THADA: variants seen among roughly 807,000 people sequenced by gnomAD.
THADA encodes tRNA (32-2'-O)-methyltransferase regulator THADA.
A neutral mutation model predicts 219.8 loss-of-function variants in THADA; 213 were observed. The observed-to-expected ratio is 0.97, with a 90% CI of 0.87 to 1.09. The LOEUF (loss-of-function observed/expected upper bound fraction) is 1.09. Among genes scored for constraint, THADA ranks in the 50% least tolerant of loss-of-function variants. THADA has a pLI of 0.00. For synonymous variants in THADA, 1,018 were observed against 828.9 expected (o/e 1.23, Z -3.92); for missense variants, 2,956 against 2,311.3 (o/e 1.28, Z -5.72).
chr2:43,305,700 G>C (rs1159975676), intron 31 of THADA, among the ~76,000 whole-genome samples: 1 of 152,094 alleles, frequency 6.6e-6, no homozygotes, highest in Non-Finnish European at 1.5e-5. Flanking sequence ...CAAAGGATCT[G>C]GGTAGGCTAA....
chr2:43,358,417 C>T (rs558393723), intron 29 of THADA, among the ~76,000 whole-genome samples: 2 of 152,040 alleles, frequency 1.3e-5, no homozygotes, highest in South Asian at 4.2e-4. Context: ...GTTCTGTGCC[C>T]AATGTGGCTG....
At chr2:43,297,513 C>T (rs868536633) in intron 31 of THADA, among the ~76,000 whole-genome samples, 258 of 105,210 alleles carry the variant, frequency 2.5e-3, no homozygotes, top group African/African-American at 4.1e-3. Flanking sequence ...GGTCAGCCCC[C>T]CCGCCCGGCC....
chr2:43,339,183 G>A (rs1308997470), intron 30 of THADA, among the ~76,000 whole-genome samples: 4 of 152,160 alleles, frequency 2.6e-5, no homozygotes, highest in Admixed American at 2.6e-4. Context: ...TCTATGATAA[G>A]CATATAGCAG....
chr2:43,532,810 A>G (rs1481791027), intron 21 of THADA, among the ~76,000 whole-genome samples: 4 of 152,194 alleles, frequency 2.6e-5, no homozygotes, highest in Admixed American at 2.6e-4. Context: ...AACCTAGGCA[A>G]TACCATTCAC....
rs781298683 is a variant in THADA at position 43,574,813 on chromosome 2, G to C, written c.1252C>G (p.Leu418Val). 3.1e-6 allele frequency: 5 copies of C among 1,613,912 alleles called. No homozygotes were observed. The highest frequency in any genetic ancestry group is 4.2e-6 in the Non-Finnish European group (5 of 1,179,912). Residue 418 changes from leucine (L) to valine (V), a missense_variant, in exon 11 of 38, where the codon CTT (leucine) becomes GTT (valine). Transcript: ENST00000405975. Reference sequence around the variant, plus strand: ...ACAGTGAGCCGGTGCATTTGGAGAAGGTTTTTGAACATGATTTTGGTTTGG... The same window carrying C: ...ACAGTGAGCCGGTGCATTTGGAGAACGTTTTTGAACATGATTTTGGTTTGG... ...RHQTKIMFKN[L>V]LQMHRLTVEG...
At chr2:43,499,041 A>T (rs1472838326) in intron 24 of THADA, 86 bp from the exon 25 acceptor site, 1 of 1,361,840 alleles carries the variant, frequency 7.3e-7, no homozygotes, top group Non-Finnish European at 9.7e-7. Flanking sequence ...CAGCTTCAAA[A>T]CAAAAAATTT....
chr2:43,456,271 C>T (rs570694887), intron 26 of THADA, among the ~76,000 whole-genome samples: 1 of 152,270 alleles, frequency 6.6e-6, no homozygotes, highest in South Asian at 2.1e-4. Context: ...TAAGGCAGTT[C>T]AAATACTATT....
chr2:43,582,325 T>A (rs1700545593), intron 7 of THADA, among the ~76,000 whole-genome samples: 1 of 151,852 alleles, frequency 6.6e-6, no homozygotes, highest in Admixed American at 6.6e-5. Flanking sequence ...GGCGAAACCA[T>A]GTCTCTAGTA....
chr2:43,374,503 A>G (rs948106341), intron 29 of THADA, among the ~76,000 whole-genome samples: 6 of 152,226 alleles, frequency 3.9e-5, no homozygotes, highest in Admixed American at 2.0e-4. Context: ...TATTATTACA[A>G]AGCAAATATA....
intron 23 of THADA, among the ~76,000 whole-genome samples, chr2:43,506,384 T>C (rs186774145): frequency 5.3e-5 from 8 of 152,338 alleles, no homozygotes; most frequent in Non-Finnish European, 5.9e-5. Flanking sequence ...ATTAAGCCAC[T>C]TGAGGCAATA....
chr2:43,336,525 GC>G (rs1666457958), intron 30 of THADA, among the ~76,000 whole-genome samples: 1 of 152,006 alleles, frequency 6.6e-6, no homozygotes, highest in Admixed American at 6.6e-5. Flanking sequence ...ACCTGCCTCA[GC>G]CTCCCAAAGT....
chr2:43,582,263 G>A (rs1157726797), intron 7 of THADA, among the ~76,000 whole-genome samples: 1 of 152,114 alleles, frequency 6.6e-6, no homozygotes, highest in African/African-American at 2.4e-5. Flanking sequence ...TTGGTAGGCC[G>A]AGACAGGTAG....
intron 22 of THADA, among the ~76,000 whole-genome samples, chr2:43,524,804 T>C (rs1018482441): frequency 6.6e-6 from 1 of 152,160 alleles, no homozygotes; most frequent in African/African-American, 2.4e-5. Context: ...TTAAACTAGA[T>C]TAGGAGGGGC....
intron 31 of THADA, among the ~76,000 whole-genome samples, chr2:43,303,197 G>T (rs1243399360): frequency 6.6e-6 from 1 of 152,194 alleles, no homozygotes; most frequent in Non-Finnish European, 1.5e-5. Flanking sequence ...GCATAAAGGA[G>T]TATGGTGGCC....
At position 43,273,630 on chromosome 2, in the gene THADA, C is replaced by T. The variant is rs137978186; in HGVS notation, c.5296+6135G>A. Among the ~76,000 whole-genome samples the T allele has an allele frequency of 1.1e-4, 16 of 152,260 alleles. No individual in the cohort carries two copies. In the East Asian group the frequency reaches 2.5e-3, roughly 24 times the overall value. ...ACTGAAAAAAGCACAGGGCCTGCTGCGGGTCTGAGACTGGTGGGCAGCCTT... is the reference window on the plus strand; with the variant it reads ...ACTGAAAAAAGCACAGGGCCTGCTGTGGGTCTGAGACTGGTGGGCAGCCTT... On this transcript the variant is annotated intron_variant, in intron 36 of 37. Coordinates refer to ENST00000405975, the MANE Select transcript of THADA (RefSeq NM_022065.5).
chr2:43,237,443 G>A (rs988432551), intron 36 of THADA, among the ~76,000 whole-genome samples: 9 of 149,482 alleles, frequency 6.0e-5, no homozygotes, highest in Admixed American at 1.3e-4. Flanking sequence ...TGTCACCCAG[G>A]CTGGAGTGCA....
At position 43,361,033 on chromosome 2, in the gene THADA, G is replaced by A. The variant is rs1400752092; in HGVS notation, c.4228-16796C>T. ...CTACCAGCATCTACCACAACTGAAA[G>A]GGGGTGCTACCAGCATCTACCACAA... On this transcript the variant is annotated intron_variant, in intron 29 of 37. Transcript: ENST00000405975. Among the ~76,000 whole-genome samples, 5 of 152,138 alleles carry A rather than the reference G, an allele frequency of 3.3e-5. 1 individual carries two copies. Among genetic ancestry groups the A allele is most frequent in the Admixed American group, 3.3e-4 (5 of 15,262 alleles).
intron 29 of THADA, among the ~76,000 whole-genome samples, chr2:43,395,218 C>G (rs1053488884): frequency 6.6e-6 from 1 of 152,180 alleles, no homozygotes; most frequent in Non-Finnish European, 1.5e-5. Context: ...TGGCTGATCC[C>G]CTTGACAAGC....
At chr2:43,513,745 T>A (rs1174418526) in intron 22 of THADA, among the ~76,000 whole-genome samples, 1 of 152,082 alleles carries the variant, frequency 6.6e-6, no homozygotes, top group East Asian at 1.9e-4. Flanking sequence ...ATTCAAAATA[T>A]AGAAATAAAT....
Sources: allele counts gnomAD v4.1 joint callset (sites outside exome capture counted in the v4.1 genomes callset), GRCh38; gene constraint gnomAD v4.1.1; transcripts MANE v1.5; gene names NCBI Gene and HGNC (gene_info 2026-07-23, HGNC 2026-07-21).